The following FLT1 variants were observed in gnomAD, a reference collection of about 807,000 sequenced individuals.
The protein encoded by FLT1 is fms related receptor tyrosine kinase 1, also known as vascular endothelial growth factor receptor 1.
FLT1 carries 49 observed loss-of-function variants against 156.3 expected under a neutral mutation model. The ratio of observed to expected loss-of-function variants is 0.31; its 90% confidence interval spans 0.25 to 0.40. FLT1 has a LOEUF of 0.40. Ranked by LOEUF, FLT1 falls within the 10% of genes least tolerant of loss-of-function variation. FLT1 has a pLI of 1.00. For synonymous variants in FLT1, 594 were observed against 583.8 expected (o/e 1.02, Z -0.25); for missense variants, 1,322 against 1,637.2 (o/e 0.81, Z 3.32).
intron 14 of FLT1, among the ~76,000 whole-genome samples, chr13:28,372,048 G>GTGTATATATA (rs1288888215): frequency 4.0e-5 from 3 of 75,584 alleles, no homozygotes; most frequent in East Asian, 3.4e-4. Context: ...GTGTGTGTGT[G>GTGTATATATA]TATATATATA....
chr13:28,332,848 A>G (rs1417537853), intron 18 of FLT1, among the ~76,000 whole-genome samples: 3 of 152,184 alleles, frequency 2.0e-5, no homozygotes, highest in African/African-American at 7.2e-5. Flanking sequence ...GCTTTCTTAC[A>G]TAGAAGACAT....
At chr13:28,364,940 T>C (rs1873236577) in intron 14 of FLT1, among the ~76,000 whole-genome samples, 1 of 152,208 alleles carries the variant, frequency 6.6e-6, no homozygotes, top group African/African-American at 2.4e-5. Context: ...TTCAATACTT[T>C]ATACTTCAGA....
intron 15 of FLT1, among the ~76,000 whole-genome samples, chr13:28,356,722 T>A (rs924895789): frequency 2.6e-5 from 4 of 152,256 alleles, no homozygotes; most frequent in Non-Finnish European, 4.4e-5. Flanking sequence ...TATTCTGAAG[T>A]CGACTGGTTA....
Position 28,494,833 on chromosome 13 carries a change from T to C in FLT1, c.11A>G (p.Tyr4Cys). MVS[Y>C]WDTGVLLCAL... ...GCACAGCAGGACCCCGGTGTCCCAG[T>C]AGCTGACCATGGTGAGCGCGACGCG... The change falls in exon 1 of 30, where the codon TAC becomes TGC. Residue 4 changes from tyrosine (Y) to cysteine (C), a missense_variant. Transcript: ENST00000282397. 3 of 1,568,412 alleles carry C rather than the reference T, an allele frequency of 1.9e-6. No individual in the cohort carries two copies. The highest frequency in any genetic ancestry group is 2.6e-6 in the Non-Finnish European group (3 of 1,162,794).
intron 3 of FLT1, 180 bp downstream of exon 3, chr13:28,466,723 G>T (rs1367740917): frequency 1.5e-6 from 1 of 689,586 alleles, no homozygotes; most frequent in Non-Finnish European, 2.6e-6. Flanking sequence ...GACTAACTGG[G>T]CCTTGACAAT....
intron 10 of FLT1, among the ~76,000 whole-genome samples, chr13:28,408,863 T>C (rs1213147490): frequency 6.6e-6 from 1 of 151,984 alleles, no homozygotes; most frequent in Non-Finnish European, 1.5e-5. Context: ...GCATGCCAAG[T>C]ACAATGGCAG....
chr13:28,472,970 T>C (rs1024776877), intron 1 of FLT1, among the ~76,000 whole-genome samples: 9 of 152,130 alleles, frequency 5.9e-5, no homozygotes, highest in Non-Finnish European at 1.2e-4. Flanking sequence ...CCAAAGAAGA[T>C]ATATAAATGA....
At chr13:28,388,622 A>G (rs895559958) in intron 13 of FLT1, 4 of 1,054,446 alleles carry the variant, frequency 3.8e-6, no homozygotes, top group African/African-American at 1.6e-5. Flanking sequence ...TATTTTTTAA[A>G]TTACTTTGAA....
chr13:28,303,328 C>G lies in FLT1; in HGVS notation c.3856G>C (p.Asp1286His). 2 of 1,614,016 alleles carry G rather than the reference C, an allele frequency of 1.2e-6. No individual in the cohort carries two copies. The highest frequency in any genetic ancestry group is 4.5e-5 in the East Asian group (2 of 44,896). Residue 1286 changes from aspartate to histidine, a missense_variant, in exon 30 of 30, where the codon GAT becomes CAT. Asp to His is a moderately conservative substitution (Grantham distance 81, BLOSUM62 -1). Transcript: ENST00000282397. ...TGGCAGAAACTGGGCCTGCTGACAT[C>G]AGACAGCCCCGACTCCTTACTTTTA... The part of the protein sequence containing the change: ...TSKSKESGLS[D>H]VSRPSFCHSS...
intron 14 of FLT1, among the ~76,000 whole-genome samples, chr13:28,383,337 T>G (rs1874160059): frequency 1.3e-5 from 2 of 152,130 alleles, no homozygotes; most frequent in African/African-American, 4.8e-5. Flanking sequence ...TGAGTTCACA[T>G]GAAATGATGT....
At chr13:28,394,649 C>T (rs542785022) in intron 12 of FLT1, among the ~76,000 whole-genome samples, 3 of 152,160 alleles carry the variant, frequency 2.0e-5, no homozygotes, top group Non-Finnish European at 4.4e-5. Context: ...TTAGCACATC[C>T]TCTTCCAGTA....
At chr13:28,406,640 TTATTATTATTATTATTAA>T (rs1274862248) in intron 10 of FLT1, among the ~76,000 whole-genome samples, 2 of 19,892 alleles carry the variant, frequency 1.0e-4, no homozygotes, top group South Asian at 0.013. Flanking sequence ...ATTATTATTA[TTATTATTATTATTATTAA>T]TATTAGAGAC....
chr13:28,370,479 T>C (rs1380998866), intron 14 of FLT1, among the ~76,000 whole-genome samples: 2 of 151,930 alleles, frequency 1.3e-5, no homozygotes, highest in Non-Finnish European at 2.9e-5. Context: ...AAAAATGGAG[T>C]TATGATAGCA....
intron 13 of FLT1, 154 bp downstream of exon 13, chr13:28,389,642 A>T: frequency 6.7e-7 from 1 of 1,494,126 alleles, no homozygotes; most frequent in Non-Finnish European, 8.9e-7. Flanking sequence ...CCTGAAAGTT[A>T]GCAACAGTGA....
intron 10 of FLT1, among the ~76,000 whole-genome samples, chr13:28,410,678 T>C (rs1334393943): frequency 6.6e-6 from 1 of 152,242 alleles, no homozygotes; most frequent in Non-Finnish European, 1.5e-5. Flanking sequence ...ACAAGTTTTG[T>C]GAGCTGCTAC....
intron 14 of FLT1, among the ~76,000 whole-genome samples, chr13:28,372,020 GT>G: frequency 2.6e-4 from 2 of 7,820 alleles, no homozygotes; most frequent in East Asian, 5.7e-3. Flanking sequence ...TAAATCATTG[GT>G]GTGTGTGTGT....
chr13:28,319,664 C>G (rs1871359891), intron 23 of FLT1, 130 bp from the exon 24 acceptor site: 4 of 683,500 alleles, frequency 5.9e-6, no homozygotes, highest in African/African-American at 1.8e-5. Flanking sequence ...CTCTGGTTTC[C>G]TAACATAGAG....
At chr13:28,363,092 T>G (rs1873169453) in intron 14 of FLT1, among the ~76,000 whole-genome samples, 1 of 152,244 alleles carries the variant, frequency 6.6e-6, no homozygotes, top group Admixed American at 6.5e-5. Flanking sequence ...CTTAATTCAT[T>G]GTTGTCTCCC....
rs574891611 is a variant in FLT1, at chr13:28,320,226, A to G, written c.3175-692T>C. Among the ~76,000 whole-genome samples the G allele has an allele frequency of 3.9e-5, 6 of 152,322 alleles. No homozygotes were observed. The East Asian group carries it at 9.6e-4, about 24-fold the overall frequency. ...AGGGAGGCTGACTCAGATACAGACGAACAGAAAGGAGGGGAGGACTAACAT... is the reference window on the plus strand; with the variant it reads ...AGGGAGGCTGACTCAGATACAGACGGACAGAAAGGAGGGGAGGACTAACAT... On this transcript the variant is annotated intron_variant, in intron 23 of 29. Transcript: ENST00000282397.
Sources: gnomAD v4.1 joint callset for allele counts (sites outside exome capture counted in the v4.1 genomes callset) on GRCh38, gnomAD v4.1.1 for gene constraint, MANE v1.5 for transcripts, NCBI Gene and HGNC (gene_info 2026-07-23, HGNC 2026-07-21) for gene names.